Variants in FYB1 observed in about 807,000 individuals in gnomAD.
FYB1 encodes FYN binding protein 1.
A neutral mutation model predicts 94.1 loss-of-function variants in FYB1; 41 were observed. That is an observed-to-expected ratio of 0.44 (90% CI 0.34 to 0.57). The LOEUF is 0.57. Ranked by LOEUF, FYB1 falls within the 20% of genes least tolerant of loss-of-function variation. The pLI, the probability that FYB1 is intolerant of heterozygous loss-of-function variation, is 0.02. For synonymous variants in FYB1, 367 were observed against 353.2 expected (o/e 1.04, Z -0.44); for missense variants, 1,050 against 976.8 (o/e 1.07, Z -1.00).
chr5:39,171,286 C>CAAAAAAAAAA (rs879557601), intron 2 of FYB1, among the ~76,000 whole-genome samples: 1 of 140,526 alleles, frequency 7.1e-6, no homozygotes, highest in Non-Finnish European at 1.6e-5. Flanking sequence ...ACTCTGTCTC[C>CAAAAAAAAAA]AAAAAAAAAA....
At chr5:39,188,826 C>A (rs1561235577) in intron 2 of FYB1, among the ~76,000 whole-genome samples, 1 of 152,150 alleles carries the variant, frequency 6.6e-6, no homozygotes. Context: ...AGCCACTGCG[C>A]CCGTCTGACT....
intron 1 of FYB1, among the ~76,000 whole-genome samples, chr5:39,209,619 G>A (rs538218949): frequency 9.9e-5 from 15 of 152,222 alleles, no homozygotes; most frequent in African/African-American, 3.4e-4. Flanking sequence ...GTGAGCCACC[G>A]CACCCGGCCT....
intron 14 of FYB1, among the ~76,000 whole-genome samples, chr5:39,119,918 T>G (rs1156536970): frequency 1.3e-5 from 2 of 152,130 alleles, no homozygotes; most frequent in Non-Finnish European, 2.9e-5. Flanking sequence ...TAAACTTGGT[T>G]GCATGTCAGC....
intron 1 of FYB1, among the ~76,000 whole-genome samples, chr5:39,208,630 C>T (rs983199198): frequency 4.6e-5 from 7 of 152,118 alleles, no homozygotes; most frequent in Non-Finnish European, 7.4e-5. Flanking sequence ...GCTGTGAGGG[C>T]GATCATGAGT....
intron 1 of FYB1, among the ~76,000 whole-genome samples, chr5:39,253,454 C>G (rs577736579): frequency 8.5e-5 from 13 of 152,156 alleles, no homozygotes; most frequent in African/African-American, 2.9e-4. Flanking sequence ...GAAATGACAA[C>G]AACAAAATCT....
chr5:39,247,588 G>A (rs949995375), intron 1 of FYB1, among the ~76,000 whole-genome samples: 3 of 151,868 alleles, frequency 2.0e-5, no homozygotes, highest in African/African-American at 7.3e-5. Flanking sequence ...ACCAAATAAA[G>A]GAATACAAGT....
chr5:39,184,288 A>G (rs1467831883), intron 2 of FYB1, among the ~76,000 whole-genome samples: 1 of 152,218 alleles, frequency 6.6e-6, no homozygotes, highest in African/African-American at 2.4e-5. Context: ...GAAATAGAAG[A>G]ACAATATCTT....
intron 2 of FYB1, among the ~76,000 whole-genome samples, chr5:39,165,150 A>T (rs1264569710): frequency 6.6e-6 from 1 of 152,248 alleles, no homozygotes; most frequent in Non-Finnish European, 1.5e-5. Context: ...CATAAAATTC[A>T]TATGGAAGCA....
rs535289538 is a variant in FYB1 at position 39,246,834 on chromosome 5, C to A, written c.-28+27569G>T. 1.2e-3 allele frequency among the ~76,000 whole-genome samples: 178 copies of A among 152,068 alleles called. 3 individuals are homozygous for A. The highest frequency in any genetic ancestry group is 4.1e-3 in the African/African-American group (169 of 41,516). On this transcript the variant is annotated intron_variant, in intron 1 of 1. Coordinates refer to the FYB1 transcript ENST00000510188. The stretch of plus-strand genomic sequence containing the variant: ...ATGGTGAGGAGCAGAATGGAAACAG[C>A]ATCATCTACTCAAGGCAGAATAATA...
Position 39,207,630 on chromosome 5 carries a change from CATAGTTTCA to C in FYB1, c.-27-4652_-27-4644del, listed in dbSNP as rs1344311527. ...GTCCCTTTTGTAGTCAGTTCATCTA[CATAGTTTCA>C]TTTGGAAAACTAAAAATATATTATC... is the stretch of plus-strand genomic sequence containing the variant. On this transcript the variant is annotated intron_variant, in intron 1 of 18. Coordinates refer to ENST00000512982, the MANE Select transcript of FYB1 (RefSeq NM_001465.6). Among the ~76,000 whole-genome samples the C allele has an allele frequency of 7.9e-5, 12 of 152,310 alleles. No individual in the cohort carries two copies. In the East Asian group the frequency reaches 2.1e-3, roughly 27 times the overall value.
At chr5:39,189,125 A>T (rs1257730862) in intron 2 of FYB1, among the ~76,000 whole-genome samples, 3 of 152,188 alleles carry the variant, frequency 2.0e-5, no homozygotes, top group Non-Finnish European at 2.9e-5. Flanking sequence ...TCAGGAAGAC[A>T]AGTAAGAGAT....
rs112135028 is a variant in FYB1, at chr5:39,248,630, A to G, written c.-28+25773T>C. 1.1e-3 allele frequency among the ~76,000 whole-genome samples: 167 copies of G among 152,314 alleles called. 3 individuals are homozygous for G. The highest frequency in any genetic ancestry group is 3.2e-3 in the African/African-American group (133 of 41,574). On this transcript the variant is annotated intron_variant, in intron 1 of 1. Transcript: ENST00000510188. ...GAGGTGGGGATCACTTGAGGTCAGG[A>G]GTTCGAGACCAGCCTGGCCAACATG...
chr5:39,244,304 G>T (rs544308820), intron 1 of FYB1, among the ~76,000 whole-genome samples: 1 of 152,252 alleles, frequency 6.6e-6, no homozygotes, highest in Non-Finnish European at 1.5e-5. Flanking sequence ...GTATTGTTTT[G>T]AGGTACGTCC....
chr5:39,130,421 G>A (rs1741087159), intron 10 of FYB1, among the ~76,000 whole-genome samples, 169 bp downstream of exon 10: 1 of 152,060 alleles, frequency 6.6e-6, no homozygotes, highest in African/African-American at 2.4e-5. Flanking sequence ...AACTCGAAAT[G>A]TTCTCAACAC....
In FYB1 at chr5:39,126,014, T is replaced by C. The variant is rs1240532956; in HGVS notation, c.2029A>G (p.Asn677Asp). The C allele has an allele frequency of 6.2e-7, 1 of 1,613,434 alleles. No individual in the cohort carries two copies. The highest frequency in any genetic ancestry group is 8.5e-7 in the Non-Finnish European group (1 of 1,179,632). Residue 677 changes from asparagine (N) to aspartate (D), a missense_variant, in exon 12 of 19, where the codon AAT (asparagine) becomes GAT (aspartate). Asn to Asp is a conservative substitution (Grantham distance 23). Coordinates refer to ENST00000512982, the MANE Select transcript of FYB1 (RefSeq NM_001465.6). ...GACTCTTACGATGAACCTTCATTAT[T>C]GTCTGAGTCAGAGACTTTAGGTTTC... is the stretch of plus-strand genomic sequence containing the variant. ...REKPKVSDSD[N>D]NEGSSFPAPP...
intron 2 of FYB1, chr5:39,170,286 G>A (rs1351016652): frequency 1.3e-5 from 18 of 1,376,248 alleles, no homozygotes; most frequent in Non-Finnish European, 1.6e-5. Context: ...GATCAACTCA[G>A]TTTAAAAGAT....
chr5:39,138,109 G>C (rs533757648), intron 6 of FYB1: 1 of 201,036 alleles, frequency 5.0e-6, no homozygotes, highest in East Asian at 1.5e-4. Context: ...AGAATTGGTT[G>C]AATAAACACT....
At chr5:39,182,806 C>T (rs918762586) in intron 2 of FYB1, among the ~76,000 whole-genome samples, 7 of 152,306 alleles carry the variant, frequency 4.6e-5, no homozygotes, top group Middle Eastern at 3.4e-3. Context: ...CTGCCCTGCA[C>T]GGCATTTGTG....
At chr5:39,240,522 C>T (rs1014709391) in intron 1 of FYB1, among the ~76,000 whole-genome samples, 1 of 151,250 alleles carries the variant, frequency 6.6e-6, no homozygotes, top group African/African-American at 2.5e-5. Context: ...CATGAACAGG[C>T]ACTTCTAAAA....
Sources: allele counts gnomAD v4.1 joint callset (sites outside exome capture counted in the v4.1 genomes callset), GRCh38; gene constraint gnomAD v4.1.1; transcripts MANE v1.5; gene names NCBI Gene and HGNC (gene_info 2026-07-23, HGNC 2026-07-21).